Variants in DACH2 observed in about 807,000 individuals in gnomAD.
The protein encoded by DACH2 is dachshund family transcription factor 2, also known as dachshund homolog 2.
Under a neutral mutation model 35.8 loss-of-function variants are expected in DACH2, and 17 were observed. That is an observed-to-expected ratio of 0.48 (90% CI 0.33 to 0.71). DACH2 has a LOEUF of 0.71. DACH2 is among the 30% of genes least tolerant of loss of function. DACH2 has a pLI of 0.02. For synonymous variants in DACH2, 195 were observed against 177.3 expected, an observed-to-expected ratio of 1.10 and a Z score of -0.79; for missense variants, 469 against 472.7, an observed-to-expected ratio of 0.99 and a Z score of 0.07.
rs1347646292 is a variant in DACH2, at chrX:86,291,305, C to T, written c.489-85519C>T. Among the ~76,000 whole-genome samples, 3 of 96,434 alleles carry T rather than the reference C, an allele frequency of 3.1e-5. No homozygotes were observed. The East Asian group carries it at 1.0e-3, about 32-fold the overall frequency. The allele number at this position is 96,434 out of a possible 115,157, so 83.7% of individuals were successfully genotyped here. On this transcript the variant is annotated intron_variant, in intron 1 of 11. Transcript: ENST00000373125. ...CTGAGACTTTGCTGAAGTTGCTTATCAGCTTAAGGAGATTTTGGGCTGAGA... is the reference window on the plus strand; with the variant it reads ...CTGAGACTTTGCTGAAGTTGCTTATTAGCTTAAGGAGATTTTGGGCTGAGA...
intron 1 of DACH2, among the ~76,000 whole-genome samples, chrX:86,247,646 G>T (rs1367863772): frequency 9.0e-6 from 1 of 110,920 alleles, no homozygotes; most frequent in African/African-American, 3.3e-5. Flanking sequence ...TATGAACATA[G>T]ATTCATTAAC....
chrX:86,338,173 T>C (rs67014129), intron 1 of DACH2, among the ~76,000 whole-genome samples: 23,889 of 110,549 alleles, frequency 0.22, 3,274 homozygotes, highest in African/African-American at 0.5. Context: ...ACAAAATTAG[T>C]AAGGATATTC....
Position 86,603,799 on chromosome X carries a change from C to T in DACH2, c.641-47237C>T, listed in dbSNP as rs577636918. On this transcript the variant is annotated intron_variant, in intron 3 of 11. Coordinates refer to ENST00000373125, the MANE Select transcript of DACH2 (RefSeq NM_053281.3). ...AGTCTTTCTTCTTCTCTTAAGTATT[C>T]TCATTAATACTAGAAATTTTCCTCT... Among the ~76,000 whole-genome samples, 38 of 111,197 alleles carry T rather than the reference C, an allele frequency of 3.4e-4. 1 individual carries two copies. The South Asian group carries it at 0.012, about 34-fold the overall frequency.
At chrX:86,550,984 G>T (rs1281568929) in intron 3 of DACH2, among the ~76,000 whole-genome samples, 1 of 111,839 alleles carries the variant, frequency 8.9e-6, no homozygotes, top group Non-Finnish European at 1.9e-5. Context: ...TGAAAGGTTT[G>T]TTCCTCATTA....
intron 2 of DACH2, among the ~76,000 whole-genome samples, chrX:86,464,436 G>T (rs191230175): frequency 9.0e-6 from 1 of 111,032 alleles, no homozygotes; most frequent in Non-Finnish European, 1.9e-5. Flanking sequence ...ACCAAACACC[G>T]CATGTTCTCA....
At chrX:86,497,388 G>A (rs2038187386) in intron 2 of DACH2, among the ~76,000 whole-genome samples, 1 of 112,171 alleles carries the variant, frequency 8.9e-6, no homozygotes, top group Non-Finnish European at 1.9e-5. Context: ...CTGGGAAGGA[G>A]CTGGAGAACT....
In DACH2 at chrX:86,398,428, C is replaced by T. The variant is rs773386328; in HGVS notation, c.527+21566C>T. On this transcript the variant is annotated intron_variant, in intron 2 of 11. Coordinates refer to ENST00000373125, the MANE Select transcript of DACH2 (RefSeq NM_053281.3). ...GATCTTAGTTATTTCTTGCCTTCTGCTAGCTTTTGAATGTGTTTGCTCTTG... is the reference window on the plus strand; with the variant it reads ...GATCTTAGTTATTTCTTGCCTTCTGTTAGCTTTTGAATGTGTTTGCTCTTG... 5.4e-5 allele frequency among the ~76,000 whole-genome samples: 6 copies of T among 112,031 alleles called. No individual in the cohort carries two copies. In the East Asian group the frequency reaches 1.4e-3, roughly 26 times the overall value.
At chrX:86,190,553 A>C (rs2031802155) in intron 1 of DACH2, among the ~76,000 whole-genome samples, 2 of 112,517 alleles carry the variant, frequency 1.8e-5, no homozygotes, top group African/African-American at 6.5e-5. Flanking sequence ...CACGTGGCCA[A>C]CAAGCATATG....
intron 2 of DACH2, among the ~76,000 whole-genome samples, chrX:86,503,479 A>G (rs186089480): frequency 5.8e-4 from 65 of 112,252 alleles, no homozygotes; most frequent in South Asian, 1.8e-3. Context: ...TTTTAGTTAC[A>G]TTGCCCTTTT....
chrX:86,652,675 A>C (rs61180399), intron 4 of DACH2, among the ~76,000 whole-genome samples: 11,872 of 111,155 alleles, frequency 0.11, 543 homozygotes, highest in South Asian at 0.35. Context: ...TGTGGTTTTG[A>C]TTTGCATTTC....
chrX:86,725,626 C>T (rs1384508158), intron 6 of DACH2, among the ~76,000 whole-genome samples: 2 of 111,079 alleles, frequency 1.8e-5, no homozygotes, highest in Non-Finnish European at 3.8e-5. Context: ...AGGGCCAGTT[C>T]GTGGGCCTCC....
chrX:86,347,173 T>A (rs2035510660), intron 1 of DACH2, among the ~76,000 whole-genome samples: 2 of 112,149 alleles, frequency 1.8e-5, no homozygotes, highest in South Asian at 7.3e-4. Context: ...TTGAAATTGT[T>A]TAAAACAATA....
chrX:86,336,941 C>T (rs145475441), intron 1 of DACH2, among the ~76,000 whole-genome samples: 6 of 107,128 alleles, frequency 5.6e-5, no homozygotes, highest in Admixed American at 1.0e-4. Flanking sequence ...CACAAGTATC[C>T]ATAGCTGAAT....
At chrX:86,697,748 A>G (rs981992127) in intron 5 of DACH2, among the ~76,000 whole-genome samples, 1 of 111,471 alleles carries the variant, frequency 9.0e-6, no homozygotes, top group African/African-American at 3.3e-5. Flanking sequence ...ATATGAAATC[A>G]TCAATAGAAT....
intron 2 of DACH2, among the ~76,000 whole-genome samples, chrX:86,385,486 G>T (rs1368434080): frequency 9.0e-6 from 1 of 111,307 alleles, no homozygotes; most frequent in Non-Finnish European, 1.9e-5. Context: ...TAAAGATTCA[G>T]TATACAACAA....
At chrX:86,713,265 A>C (rs2148459128) in intron 5 of DACH2, among the ~76,000 whole-genome samples, 1 of 111,759 alleles carries the variant, frequency 8.9e-6, no homozygotes. Flanking sequence ...AAGAAGCCAT[A>C]GAATGCGAGA....
At chrX:86,437,953 T>A (rs372377984) in intron 2 of DACH2, among the ~76,000 whole-genome samples, 3 of 109,420 alleles carry the variant, frequency 2.7e-5, no homozygotes, top group African/African-American at 1.0e-4. Context: ...GTCCTGGGGG[T>A]TTGTTGTACG....
At chrX:86,489,524 G>T (rs1030532139) in intron 2 of DACH2, among the ~76,000 whole-genome samples, 54 of 110,501 alleles carry the variant, frequency 4.9e-4, no homozygotes, top group Middle Eastern at 4.7e-3. Context: ...GATTTTACAC[G>T]TTCTTGCCTC....
At chrX:86,287,684 AT>A (rs1372662936) in intron 1 of DACH2, among the ~76,000 whole-genome samples, 2 of 112,098 alleles carry the variant, frequency 1.8e-5, no homozygotes, top group Non-Finnish European at 3.8e-5. Context: ...ACTCTAATGC[AT>A]TCTTCAGTGT....
Sources: gnomAD v4.1 joint callset for allele counts (sites outside exome capture counted in the v4.1 genomes callset) on GRCh38, gnomAD v4.1.1 for gene constraint, MANE v1.5 for transcripts, NCBI Gene and HGNC (gene_info 2026-07-23, HGNC 2026-07-21) for gene names.